SIPA1L3: variants seen among roughly 807,000 people sequenced by gnomAD.
The protein encoded by SIPA1L3 is signal-induced proliferation-associated 1-like protein 3.
In SIPA1L3, 59 loss-of-function variants were observed where a neutral mutation model predicts 150.1. That is an observed-to-expected ratio of 0.39 (90% CI 0.32 to 0.49). The LOEUF (loss-of-function observed/expected upper bound fraction) is 0.49. Among genes scored for constraint, SIPA1L3 ranks in the 20% least tolerant of loss-of-function variants. The probability of loss-of-function intolerance (pLI) is 0.86; values close to 1 mark genes in which losing one functional copy is unlikely to be tolerated. For synonymous variants in SIPA1L3, 1,070 were observed against 1,077.6 expected (o/e 0.99, Z 0.14); for missense variants, 2,211 against 2,489.5 (o/e 0.89, Z 2.38).
intron 1 of SIPA1L3, among the ~76,000 whole-genome samples, chr19:37,944,104 G>A (rs759150588): frequency 2.6e-5 from 4 of 151,386 alleles, no homozygotes; most frequent in Admixed American, 6.6e-5. Flanking sequence ...TGGCGAAACC[G>A]CATCTCTACT....
At chr19:38,096,975 T>C (rs1339354642) in intron 4 of SIPA1L3, among the ~76,000 whole-genome samples, 2 of 152,012 alleles carry the variant, frequency 1.3e-5, no homozygotes, top group Non-Finnish European at 2.9e-5. Context: ...TGAAAAGGAG[T>C]AAAACGTCAG....
chr19:38,028,150 C>T (rs966798742), intron 1 of SIPA1L3, among the ~76,000 whole-genome samples: 5 of 152,158 alleles, frequency 3.3e-5, no homozygotes, highest in South Asian at 2.1e-4. Context: ...GACATTCATT[C>T]ATCCATGGAA....
chr19:38,202,737 G>A (rs1973116737), intron 20 of SIPA1L3, among the ~76,000 whole-genome samples: 1 of 152,088 alleles, frequency 6.6e-6, no homozygotes. Context: ...ACAGACTTCT[G>A]CCTCACGCTC....
At chr19:38,074,270 C>G (rs1167242703) in intron 2 of SIPA1L3, among the ~76,000 whole-genome samples, 2 of 152,242 alleles carry the variant, frequency 1.3e-5, no homozygotes, top group African/African-American at 2.4e-5. Flanking sequence ...GCAAGAACAT[C>G]TGTGTGTGTG....
At chr19:38,105,164 T>G (rs1970595358) in intron 6 of SIPA1L3, among the ~76,000 whole-genome samples, 1 of 151,900 alleles carries the variant, frequency 6.6e-6, no homozygotes, top group South Asian at 2.1e-4. Flanking sequence ...TCAACCAGCC[T>G]GGGCAATGTG....
chr19:38,123,341 T>C (rs1181913595), intron 9 of SIPA1L3, among the ~76,000 whole-genome samples: 2 of 147,550 alleles, frequency 1.4e-5, no homozygotes, highest in Non-Finnish European at 3.0e-5. Flanking sequence ...CATAGGACAA[T>C]AGTGGAGGGA....
At chr19:38,161,627 G>A (rs933780338) in intron 13 of SIPA1L3, among the ~76,000 whole-genome samples, 1 of 152,046 alleles carries the variant, frequency 6.6e-6, no homozygotes, top group Non-Finnish European at 1.5e-5. Context: ...TTGAGAGGCT[G>A]AGACAGGAGA....
At chr19:37,973,534 C>CAAAAA (rs59279280) in intron 1 of SIPA1L3, among the ~76,000 whole-genome samples, 1 of 51,512 alleles carries the variant, frequency 1.9e-5, no homozygotes, top group African/African-American at 8.8e-5. Flanking sequence ...TGTGCCTGGC[C>CAAAAA]AAAAAAAAAA....
chr19:37,923,583 G>T (rs2046475445), intron 1 of SIPA1L3, among the ~76,000 whole-genome samples: 1 of 152,120 alleles, frequency 6.6e-6, no homozygotes, highest in African/African-American at 2.4e-5. Flanking sequence ...GTGAGTGAGT[G>T]GTGAGTGGAT....
chr19:37,991,361 T>C (rs1967505763), intron 1 of SIPA1L3, among the ~76,000 whole-genome samples: 1 of 152,276 alleles, frequency 6.6e-6, no homozygotes, highest in Non-Finnish European at 1.5e-5. Context: ...ACGTATCAGA[T>C]GGCTGGACAG....
chr19:38,200,846 G>C (rs1353906157), intron 19 of SIPA1L3: 1 of 151,756 alleles, frequency 6.6e-6, no homozygotes, highest in Non-Finnish European at 1.5e-5. Flanking sequence ...AGAATCACTT[G>C]AACCCGGGAG....
intron 9 of SIPA1L3, among the ~76,000 whole-genome samples, chr19:38,127,003 A>G (rs112906741): frequency 0.029 from 4,396 of 151,834 alleles, 202 homozygotes; most frequent in African/African-American, 0.1. Flanking sequence ...CACCAGCCTG[A>G]CCGACATGGA....
chr19:38,071,203 A>ATCTG (rs988085491), intron 2 of SIPA1L3, among the ~76,000 whole-genome samples: 5 of 16,192 alleles, frequency 3.1e-4, no homozygotes, highest in Non-Finnish European at 7.0e-4. Context: ...ATGTTGTTTT[A>ATCTG]TCTATCTATC....
rs909231454 is a variant in SIPA1L3, at chr19:38,164,344, C to T, written c.3781-135C>T. On this transcript the variant is annotated intron_variant, in intron 14 of 21. Coordinates refer to ENST00000222345, the MANE Select transcript of SIPA1L3 (RefSeq NM_015073.3). The surrounding 1 kb of genome is among the most constrained non-coding windows in gnomAD (Gnocchi z 4.1). ...GGTAAATCACTTGCCCAAGGTAACA[C>T]GGCCAGTAGATGAGAAGCCAGGATT... is the stretch of plus-strand genomic sequence containing the variant. 1.8e-5 allele frequency: 15 copies of T among 811,144 alleles called. No individual in the cohort carries two copies. Among genetic ancestry groups the T allele is most frequent in the African/African-American group, 3.4e-5 (2 of 58,148 alleles). 50.2% of individuals were successfully genotyped at this position (811,144 alleles called of 1,614,324 possible).
At chr19:37,992,340 AG>A (rs1234835125) in intron 1 of SIPA1L3, among the ~76,000 whole-genome samples, 1 of 152,222 alleles carries the variant, frequency 6.6e-6, no homozygotes, top group Non-Finnish European at 1.5e-5. Flanking sequence ...TCAGGCAAGG[AG>A]GAACTGCACA....
Position 38,050,391 on chromosome 19 carries a change from G to A in SIPA1L3, c.-311+21235G>A, listed in dbSNP as rs940253805. On this transcript the variant is annotated intron_variant, in intron 2 of 21. Coordinates refer to ENST00000222345, the MANE Select transcript of SIPA1L3 (RefSeq NM_015073.3). The stretch of plus-strand genomic sequence containing the variant: ...GAATCCCTTGAACCCAGGAGGCAAA[G>A]GTTGAAGTGAGCCAAGATCACACCA... 2.0e-5 allele frequency among the ~76,000 whole-genome samples: 3 copies of A among 151,746 alleles called. No individual in the cohort carries two copies. In the South Asian group the frequency reaches 6.2e-4, roughly 31 times the overall value.
At position 38,192,137 on chromosome 19, in the gene SIPA1L3, C is replaced by T; in HGVS notation, c.4431-8C>T. 2 of 1,594,586 alleles carry T rather than the reference C, an allele frequency of 1.3e-6. No individual in the cohort carries two copies. Among genetic ancestry groups the T allele is most frequent in the Admixed American group, 1.8e-5 (1 of 56,522 alleles). On this transcript the variant is annotated splice_region_variant and splice_polypyrimidine_tract_variant and intron_variant, in intron 16 of 21. Transcript: ENST00000222345. ...GACACCCCTCTGACCCTGACGCTGT[C>T]ATTCCAGGCAGGTGGACACGAACAC...
At chr19:37,940,698 G>A (rs751388889) in intron 1 of SIPA1L3, among the ~76,000 whole-genome samples, 18 of 151,972 alleles carry the variant, frequency 1.2e-4, no homozygotes, top group Non-Finnish European at 2.6e-4. Flanking sequence ...CTCCACCTCA[G>A]CCTCCTTAGT....
chr19:38,144,909 C>T lies in SIPA1L3; in HGVS notation c.3533+2199C>T, dbSNP rs577935863. On this transcript the variant is annotated intron_variant, in intron 12 of 21. Coordinates refer to ENST00000222345, the MANE Select transcript of SIPA1L3 (RefSeq NM_015073.3). ...AGTTTGAGGGACTAATAGGAGTCTG[C>T]GACAGAGAGGAGAGAAAAAGTCATT... Among the ~76,000 whole-genome samples the T allele has an allele frequency of 6.6e-5, 10 of 152,146 alleles. No homozygotes were observed. In the South Asian group the frequency reaches 1.0e-3, roughly 16 times the overall value.
Sources: gnomAD v4.1 joint callset for allele counts (sites outside exome capture counted in the v4.1 genomes callset) on GRCh38, gnomAD v4.1.1 for gene constraint, Gnocchi (gnomAD v3.1) non-coding constraint, MANE v1.5 for transcripts, NCBI Gene and HGNC (gene_info 2026-07-23, HGNC 2026-07-21) for gene names.